Variants in LRMDA observed in about 807,000 individuals in gnomAD.
LRMDA encodes leucine-rich melanocyte differentiation-associated protein.
In LRMDA, 18 loss-of-function variants were observed where a neutral mutation model predicts 29.8. The observed-to-expected ratio is 0.60, with a 90% CI of 0.42 to 0.90. LRMDA has a LOEUF of 0.90. Ranked by LOEUF, LRMDA falls within the 40% of genes least tolerant of loss-of-function variation. The pLI is 0.00. For missense variants in LRMDA, 273 were observed against 273.9 expected (o/e 1.00, Z 0.02); for synonymous variants, 125 against 109.4 (o/e 1.14, Z -0.89).
At chr10:75,733,903 G>T (rs948409418) in intron 2 of LRMDA, among the ~76,000 whole-genome samples, 2 of 152,176 alleles carry the variant, frequency 1.3e-5, no homozygotes, top group Non-Finnish European at 1.5e-5. Flanking sequence ...AGGAGGTGAA[G>T]AAATGGACTT....
intron 6 of LRMDA, among the ~76,000 whole-genome samples, chr10:76,363,274 G>A (rs200921197): frequency 1.9e-4 from 5 of 25,754 alleles, no homozygotes; most frequent in African/African-American, 5.0e-4. Context: ...AAGGAAGGAA[G>A]GAAAGGAAGG....
At chr10:75,578,215 CA>C (rs1183989010) in intron 2 of LRMDA, among the ~76,000 whole-genome samples, 1,754 of 14,092 alleles carry the variant, frequency 0.12, 20 homozygotes, top group African/African-American at 0.22. Flanking sequence ...AAATGGAAAG[CA>C]AAAAAAAAAA....
intron 5 of LRMDA, among the ~76,000 whole-genome samples, chr10:76,121,737 A>G (rs1401222265): frequency 6.6e-6 from 1 of 152,190 alleles, no homozygotes; most frequent in Non-Finnish European, 1.5e-5. Context: ...TGGAGTCAAC[A>G]TCTTTTTGTC....
chr10:76,049,061 G>A (rs1348410923), intron 4 of LRMDA, among the ~76,000 whole-genome samples: 1 of 152,128 alleles, frequency 6.6e-6, no homozygotes, highest in Non-Finnish European at 1.5e-5. Flanking sequence ...GTCAACAAAT[G>A]CAGCTAATAA....
intron 2 of LRMDA, among the ~76,000 whole-genome samples, chr10:75,558,218 A>C (rs994725082): frequency 3.3e-5 from 5 of 151,782 alleles, no homozygotes; most frequent in Non-Finnish European, 5.9e-5. Context: ...TCTGCTAAAA[A>C]ACTTTTAGAA....
At chr10:76,242,972 C>T (rs1852304952) in intron 5 of LRMDA, among the ~76,000 whole-genome samples, 1 of 152,158 alleles carries the variant, frequency 6.6e-6, no homozygotes. Flanking sequence ...AGACCCAGAG[C>T]AGACACTTGA....
At chr10:76,536,174 A>G (rs1157776504) in intron 6 of LRMDA, among the ~76,000 whole-genome samples, 1 of 152,150 alleles carries the variant, frequency 6.6e-6, no homozygotes, top group African/African-American at 2.4e-5. Flanking sequence ...ACGTAAGGGC[A>G]TTTTCCTGTG....
intron 5 of LRMDA, among the ~76,000 whole-genome samples, chr10:76,160,900 A>G (rs1850635072): frequency 1.3e-5 from 2 of 152,104 alleles, no homozygotes; most frequent in Non-Finnish European, 2.9e-5. Context: ...TGTATCTAAG[A>G]TTTCTTTTTC....
chr10:75,548,113 A>AC (rs796986385), intron 2 of LRMDA, among the ~76,000 whole-genome samples: 50 of 151,720 alleles, frequency 3.3e-4, no homozygotes, highest in African/African-American at 1.2e-3. Context: ...AAAAAAAAAA[A>AC]CACAACACTC....
At chr10:76,551,682 A>G (rs1843496753) in intron 6 of LRMDA, among the ~76,000 whole-genome samples, 1 of 152,166 alleles carries the variant, frequency 6.6e-6, no homozygotes, top group Admixed American at 6.5e-5. Flanking sequence ...ATGCTTCTGT[A>G]TGGTTTTAGG....
At chr10:76,509,474 T>A (rs191544196) in intron 6 of LRMDA, among the ~76,000 whole-genome samples, 1 of 152,200 alleles carries the variant, frequency 6.6e-6, no homozygotes, top group African/African-American at 2.4e-5. Context: ...TATAAGGACT[T>A]CCAGGCAACA....
intron 2 of LRMDA, among the ~76,000 whole-genome samples, chr10:75,613,981 C>A (rs1028777861): frequency 6.6e-6 from 1 of 152,144 alleles, no homozygotes; most frequent in African/African-American, 2.4e-5. Flanking sequence ...AAACAGGGAA[C>A]CATATGGCAG....
At chr10:76,259,395 G>A (rs966845919) in intron 5 of LRMDA, among the ~76,000 whole-genome samples, 3 of 151,822 alleles carry the variant, frequency 2.0e-5, no homozygotes, top group South Asian at 4.2e-4. Context: ...TTTTGTTATT[G>A]ACTTCTAGTT....
intron 5 of LRMDA, among the ~76,000 whole-genome samples, chr10:76,197,525 G>C (rs897212820): frequency 1.3e-5 from 2 of 152,150 alleles, no homozygotes; most frequent in Non-Finnish European, 1.5e-5. Context: ...ACTGGCGGTT[G>C]GTTGTGACAC....
At chr10:75,623,135 CT>C in intron 2 of LRMDA, among the ~76,000 whole-genome samples, 1 of 152,286 alleles carries the variant, frequency 6.6e-6, no homozygotes, top group South Asian at 2.1e-4. Context: ...AGACTAGCAA[CT>C]TTAAAGGGTA....
chr10:75,510,564 T>C (rs1272670075), intron 2 of LRMDA, among the ~76,000 whole-genome samples: 1 of 152,186 alleles, frequency 6.6e-6, no homozygotes, highest in African/African-American at 2.4e-5. Context: ...GGAAGAAATA[T>C]AATTCGAGCT....
chr10:76,063,021 T>A (rs1477296660), intron 5 of LRMDA, among the ~76,000 whole-genome samples: 3 of 152,220 alleles, frequency 2.0e-5, no homozygotes, highest in Non-Finnish European at 4.4e-5. Flanking sequence ...AATTATGTCC[T>A]GACTTTGTAA....
At chr10:75,923,579 T>C (rs1846063445) in intron 2 of LRMDA, among the ~76,000 whole-genome samples, 1 of 152,208 alleles carries the variant, frequency 6.6e-6, no homozygotes, top group Admixed American at 6.5e-5. Flanking sequence ...TGCACCTAAG[T>C]GTTCCCCCTT....
intron 6 of LRMDA, among the ~76,000 whole-genome samples, chr10:76,392,008 T>C (rs1841728394): frequency 6.6e-6 from 1 of 152,206 alleles, no homozygotes; most frequent in Non-Finnish European, 1.5e-5. Flanking sequence ...TTTAGTCTTA[T>C]GTTGGAATAG....
Sources: gnomAD v4.1 joint callset for allele counts (sites outside exome capture counted in the v4.1 genomes callset) on GRCh38, gnomAD v4.1.1 for gene constraint, MANE v1.5 for transcripts, NCBI Gene and HGNC (gene_info 2026-07-23, HGNC 2026-07-21) for gene names.